Variants in SEPTIN4 observed in about 807,000 individuals in gnomAD.
SEPTIN4 encodes the protein septin-4.
A neutral mutation model predicts 107.1 loss-of-function variants in SEPTIN4; 52 were observed. That is an observed-to-expected ratio of 0.49 (90% CI 0.39 to 0.61). SEPTIN4 has a LOEUF of 0.61. SEPTIN4 is among the 20% of genes least tolerant of loss of function. The pLI, the probability that SEPTIN4 is intolerant of heterozygous loss-of-function variation, is 0.00. For synonymous variants in SEPTIN4, 417 were observed against 467.0 expected, an observed-to-expected ratio of 0.89 and a Z score of 1.38; for missense variants, 1,048 against 1,243.5, an observed-to-expected ratio of 0.84 and a Z score of 2.36.
chr17:58,526,689 G>A lies in SEPTIN4; in HGVS notation c.1904C>T (p.Ser635Phe). 6.4e-7 allele frequency: 1 copy of A among 1,570,904 alleles called. No homozygotes were observed. The highest frequency in any genetic ancestry group is 1.2e-5 in the South Asian group (1 of 84,138). The change falls in exon 4 of 14, where the codon TCC (serine) becomes TTC (phenylalanine). Residue 635 changes from serine to phenylalanine, a missense_variant. Physicochemically the swap from Ser to Phe is radical, Grantham distance 155. Transcript: ENST00000672673. ...SPWGKLDPYD[S>F]SEDDKEYVGF... is the part of the protein sequence containing the mutation. ...CAGGGCTGGAGGCTCTACCTCAGAGGAATCATAGGGATCAAGCTTGCCCCA... is the reference window on the plus strand; with the variant it reads ...CAGGGCTGGAGGCTCTACCTCAGAGAAATCATAGGGATCAAGCTTGCCCCA...
chr17:58,540,108 C>T (rs2043836573), intron 3 of SEPTIN4, among the ~76,000 whole-genome samples: 1 of 152,198 alleles, frequency 6.6e-6, no homozygotes, highest in South Asian at 2.1e-4. Flanking sequence ...ACCATCTTAT[C>T]AAACATGGGC....
intron 3 of SEPTIN4, chr17:58,528,966 C>G: frequency 2.3e-6 from 2 of 881,740 alleles, no homozygotes; most frequent in South Asian, 3.2e-5. Flanking sequence ...GACAAGGAGT[C>G]AGGACACCAG....
Position 58,543,219 on chromosome 17 carries a change from GTCC to G in SEPTIN4, c.965_967del (p.Arg322del). On this transcript the variant is annotated inframe_deletion, in exon 1 of 14. Transcript: ENST00000672673. ...AACCTCGCTGTTTCCTCGGATTGGG[GTCC>G]TCACGTTGGACTCCACCTGTGATGA... 1 of 1,614,126 alleles carries G rather than the reference GTCC, an allele frequency of 6.2e-7. No individual in the cohort carries two copies. Among genetic ancestry groups the G allele is most frequent in the Non-Finnish European group, 8.5e-7 (1 of 1,180,034 alleles).
At position 58,543,795 on chromosome 17, in the gene SEPTIN4, G is replaced by A; in HGVS notation, c.392C>T (p.Ala131Val). 1 of 1,614,212 alleles carries A rather than the reference G, an allele frequency of 6.2e-7. No homozygotes were observed. Among genetic ancestry groups the A allele is most frequent in the Non-Finnish European group, 8.5e-7 (1 of 1,180,048 alleles). ...TGACTTGCTCTCACTGCCTCTTCGT[G>A]CTGCTTCCTCTCTGGGTGGACTAAC... ...WKVSPPREEA[A>V]RRGSESKSGR... Residue 131 changes from alanine (A) to valine (V), a missense_variant, in exon 1 of 14, where the codon GCA becomes GTA. Ala to Val is a moderately conservative substitution (Grantham distance 64). Around this residue, in one of 2 missense-constraint regions of SEPTIN4, gnomAD observed 787 missense variants for 871.8 expected, o/e 0.90. Transcript: ENST00000672673.
intron 3 of SEPTIN4, chr17:58,528,484 C>G (rs2043166296): frequency 6.6e-6 from 1 of 152,444 alleles, no homozygotes; most frequent in African/African-American, 2.4e-5. Flanking sequence ...CAAGCCTAAC[C>G]CAAGGCTTTT....
Position 58,541,977 on chromosome 17 carries a change from CAG to C in SEPTIN4, c.1562-13_1562-12del, listed in dbSNP as rs2043890734. 3 of 1,613,344 alleles carry C rather than the reference CAG, an allele frequency of 1.9e-6. No homozygotes were observed. The highest frequency in any genetic ancestry group is 2.5e-6 in the Non-Finnish European group (3 of 1,179,724). ...TTTCCTCAGAGACATCTGAAAGTAA[CAG>C]AGAGATGGTTGCTTTTCTTCTCTCT... On this transcript the variant is annotated splice_polypyrimidine_tract_variant and intron_variant, in intron 1 of 13. Transcript: ENST00000672673.
intron 3 of SEPTIN4, among the ~76,000 whole-genome samples, chr17:58,534,700 G>A (rs1454702157): frequency 3.3e-5 from 5 of 152,212 alleles, no homozygotes; most frequent in African/African-American, 1.2e-4. Flanking sequence ...GTGTCTAGGG[G>A]AGTGTCTAGC....
chr17:58,542,724 G>T lies in SEPTIN4; in HGVS notation c.1463C>A (p.Pro488Gln). 1 of 1,614,114 alleles carries T rather than the reference G, an allele frequency of 6.2e-7. No homozygotes were observed. The highest frequency in any genetic ancestry group is 8.5e-7 in the Non-Finnish European group (1 of 1,179,988). The stretch of plus-strand genomic sequence containing the variant: ...TGGTGCCCAACTTGGAAACTCCTTT[G>T]GTGGTGATGGTGGTGATAGGCTTGC... ...EKASLSPPSP[P>Q]KEFPSWAPLS... Residue 488 changes from proline (P) to glutamine (Q), a missense_variant, in exon 1 of 14, where the codon CCA becomes CAA. Physicochemically the swap from Pro to Gln is moderately conservative, Grantham distance 76. Around this residue, in one of 2 missense-constraint regions of SEPTIN4, gnomAD observed 787 missense variants for 871.8 expected, o/e 0.90. Transcript: ENST00000672673.
Position 58,520,768 on chromosome 17 carries a change from T to C in SEPTIN4, c.2906A>G (p.Lys969Arg). 6.2e-7 allele frequency: 1 copy of C among 1,614,166 alleles called. No homozygotes were observed. Among genetic ancestry groups the C allele is most frequent in the Non-Finnish European group, 8.5e-7 (1 of 1,180,034 alleles). Residue 969 changes from lysine (K) to arginine (R), a missense_variant, in exon 13 of 14, where the codon AAG becomes AGG. By Grantham distance (26) the Lys-to-Arg change is conservative (BLOSUM62 2). Coordinates refer to ENST00000672673, the MANE Select transcript of SEPTIN4 (RefSeq NM_001368771.2). The part of the protein sequence containing the change: ...VPPGTDPETE[K>R]LIREKDEELR... The stretch of plus-strand genomic sequence containing the variant: ...CTCCTCATCTTTCTCTCGGATAAGC[T>C]TCTCAGTTTCTGGATCTGTCCCTGG...
At position 58,529,903 on chromosome 17, in the gene SEPTIN4, G is replaced by A. The variant is rs2043318230; in HGVS notation, c.1615-2925C>T. 3 of 151,996 alleles carry A rather than the reference G, an allele frequency of 2.0e-5. No individual in the cohort carries two copies. The East Asian group carries it at 5.8e-4, about 29-fold the overall frequency. 9.4% of individuals were successfully genotyped at this position (151,996 alleles called of 1,614,324 possible). A position where few individuals can be genotyped will look rare whatever the true frequency, so the allele number is the denominator to read the frequency against. On this transcript the variant is annotated intron_variant, in intron 3 of 13. Coordinates refer to ENST00000672673, the MANE Select transcript of SEPTIN4 (RefSeq NM_001368771.2). Reference sequence around the variant, plus strand: ...GCCACAGAGAAGACTTTGCTCCAGGGACTCCCCTTACCCTAGGACACCTGA... The same window carrying A: ...GCCACAGAGAAGACTTTGCTCCAGGAACTCCCCTTACCCTAGGACACCTGA...
chr17:58,529,658 G>A (rs1391023857), intron 3 of SEPTIN4, among the ~76,000 whole-genome samples: 1 of 152,070 alleles, frequency 6.6e-6, no homozygotes, highest in Non-Finnish European at 1.5e-5. Context: ...CAGCCACCTA[G>A]GATACCCATT....
rs2043939671 is a variant in SEPTIN4, at chr17:58,543,471, G to A, written c.716C>T (p.Ala239Val). Residue 239 changes from alanine (A) to valine (V), a missense_variant, in exon 1 of 14, where the codon GCC (alanine) becomes GTC (valine). Transcript: ENST00000672673. ...TTCTTCTACAGGGACCCTTCTCTGG[G>A]CTGTCTGATAGTCTGCAGAGACACA... Reference protein sequence around the residue: ...SSCVSADYQTAQRRVPVEESE... With the variant: ...SSCVSADYQTVQRRVPVEESE... 3.7e-6 allele frequency: 6 copies of A among 1,614,082 alleles called. No individual in the cohort carries two copies. Among genetic ancestry groups the A allele is most frequent in the Non-Finnish European group, 5.1e-6 (6 of 1,180,048 alleles).
chr17:58,526,917 A>C lies in SEPTIN4; in HGVS notation c.1676T>G (p.Phe559Cys). The stretch of plus-strand genomic sequence containing the variant: ...TGGGTGGCAGCTCGCATTTCCTGAG[A>C]AATCCTTCACGAACTTGCTCAGTTC... ...DGELSKFVKD[F>C]SGNASCHPPE... Residue 559 changes from phenylalanine (F) to cysteine (C), a missense_variant, in exon 4 of 14, where the codon TTC (phenylalanine) becomes TGC (cysteine). By Grantham distance (205) the Phe-to-Cys change is radical (BLOSUM62 -2). This residue lies in a region of SEPTIN4 where 787 missense variants were observed against 871.8 expected (regional missense o/e 0.90). Transcript: ENST00000672673. The C allele has an allele frequency of 1.9e-6, 3 of 1,614,064 alleles. No homozygotes were observed. The highest frequency in any genetic ancestry group is 2.5e-6 in the Non-Finnish European group (3 of 1,180,006).
intron 3 of SEPTIN4, among the ~76,000 whole-genome samples, chr17:58,536,826 G>T (rs2043729701): frequency 6.6e-6 from 1 of 152,202 alleles, no homozygotes; most frequent in African/African-American, 2.4e-5. Flanking sequence ...TCCTCTGGCT[G>T]AGCACCTGTC....
chr17:58,535,228 T>C (rs1156937234), intron 3 of SEPTIN4, among the ~76,000 whole-genome samples: 4 of 152,182 alleles, frequency 2.6e-5, no homozygotes, highest in African/African-American at 9.7e-5. Flanking sequence ...GGGGCAGGCA[T>C]AAGGTGTGGG....
At chr17:58,540,399 A>G (rs1372954117) in intron 3 of SEPTIN4, among the ~76,000 whole-genome samples, 1 of 152,260 alleles carries the variant, frequency 6.6e-6, no homozygotes, top group East Asian at 1.9e-4. Context: ...TCGGACTGCA[A>G]CTAGCTCATA....
At chr17:58,542,145 T>C (rs1196164863) in intron 1 of SEPTIN4, among the ~76,000 whole-genome samples, 179 bp from the exon 2 acceptor site, 1 of 152,158 alleles carries the variant, frequency 6.6e-6, no homozygotes, top group African/African-American at 2.4e-5. Flanking sequence ...CCACTCTCCC[T>C]TTCTCTTTTT....
At chr17:58,529,466 T>A in intron 3 of SEPTIN4, 1 of 1,321,000 alleles carries the variant, frequency 7.6e-7, no homozygotes. Context: ...CCTCCTCTGA[T>A]TGGCTGTCCC....
intron 3 of SEPTIN4, among the ~76,000 whole-genome samples, chr17:58,535,524 C>T (rs1287745977): frequency 6.6e-6 from 1 of 152,226 alleles, no homozygotes; most frequent in Non-Finnish European, 1.5e-5. Flanking sequence ...CTAACAACTG[C>T]CCTTCAACCT....
Sources: allele counts gnomAD v4.1 joint callset (sites outside exome capture counted in the v4.1 genomes callset), GRCh38; gene constraint gnomAD v4.1.1; regional missense constraint gnomAD v4.1.1; transcripts MANE v1.5; gene names NCBI Gene and HGNC (gene_info 2026-07-23, HGNC 2026-07-21).